BICRA: variants seen among roughly 807,000 people sequenced by gnomAD.
BICRA encodes BRD4 interacting chromatin remodeling complex associated protein.
Under a neutral mutation model 96.9 loss-of-function variants are expected in BICRA, and 31 were observed. The ratio of observed to expected loss-of-function variants is 0.32; its 90% confidence interval spans 0.24 to 0.43. The LOEUF is 0.43. Among genes scored for constraint, BICRA ranks in the 20% least tolerant of loss-of-function variants. The probability of loss-of-function intolerance (pLI) is 1.00; values close to 1 mark genes in which losing one functional copy is unlikely to be tolerated. For missense variants in BICRA, 2,283 were observed against 2,190.3 expected, an observed-to-expected ratio of 1.04 and a Z score of -0.84; for synonymous variants, 1,350 against 1,071.8, an observed-to-expected ratio of 1.26 and a Z score of -5.07.
intron 6 of BICRA, 39 bp from the exon 7 acceptor site, chr19:47,681,937 G>A: frequency 2.1e-6 from 3 of 1,451,108 alleles, no homozygotes; most frequent in Non-Finnish European, 2.8e-6. Context: ...AGGGCCTGTG[G>A]GGGCGGCTTT....
intron 1 of BICRA, among the ~76,000 whole-genome samples, chr19:47,629,387 T>C (rs2123520547): frequency 6.6e-6 from 1 of 152,358 alleles, no homozygotes; most frequent in African/African-American, 2.4e-5. Flanking sequence ...TCTCTATGAA[T>C]TTGACTTTAA....
At position 47,701,918 on chromosome 19, in the gene BICRA, G is replaced by T. The variant is rs1216519921; in HGVS notation, c.4186G>T (p.Gly1396Trp). 2 of 1,435,582 alleles carry T rather than the reference G, an allele frequency of 1.4e-6. No individual in the cohort carries two copies. Among genetic ancestry groups the T allele is most frequent in the South Asian group, 1.4e-5 (1 of 72,370 alleles). The allele number at this position is 1,435,582 out of a possible 1,614,324, so 88.9% of individuals were successfully genotyped here. Residue 1396 changes from glycine to tryptophan, a missense_variant, in exon 15 of 15, where the codon GGG (glycine) becomes TGG (tryptophan). Gly to Trp is a radical substitution (Grantham distance 184). Coordinates refer to ENST00000594866, the MANE Select transcript of BICRA (RefSeq NM_001394372.1). The surrounding 1 kb of genome is among the most constrained non-coding windows in gnomAD (Gnocchi z 5.4). The stretch of plus-strand genomic sequence containing the variant: ...GCGCAAGACCTACCGCGAGAACGTG[G>T]GGGGCCCTGGCGCGCCGGAGGGGAC... Reference protein sequence around the residue: ...PLRKTYRENVGGPGAPEGTPA... With the variant: ...PLRKTYRENVWGPGAPEGTPA...
intron 1 of BICRA, among the ~76,000 whole-genome samples, chr19:47,614,131 T>C (rs1315742855): frequency 1.3e-5 from 2 of 152,024 alleles, no homozygotes; most frequent in Non-Finnish European, 2.9e-5. Flanking sequence ...TGAGACATCA[T>C]CTTTTTCTCT....
chr19:47,702,100 C>G lies in BICRA; in HGVS notation c.4368C>G (p.Ala1456=). 6.6e-7 allele frequency: 1 copy of G among 1,521,078 alleles called. No individual in the cohort carries two copies. The highest frequency in any genetic ancestry group is 8.8e-7 in the Non-Finnish European group (1 of 1,142,116). The allele number at this position is 1,521,078 out of a possible 1,614,324, so 94.2% of individuals were successfully genotyped here. A position where few individuals can be genotyped will look rare whatever the true frequency, so the allele number is the denominator to read the frequency against. ...CGCCAGAGCCCGCAGCCAGCGCCGC[C>G]CAAGGCACCGGGGACCCCGACTGGG... ...GPPPEPAASA[A]QGTGDPDWEA... Residue 1456 remains alanine (A), a synonymous_variant, in exon 15 of 15, where the codon GCC becomes GCG. Coordinates refer to ENST00000594866, the MANE Select transcript of BICRA (RefSeq NM_001394372.1).
rs779068999 is a variant in BICRA at position 47,680,409 on chromosome 19, C to G, written c.1239C>G (p.Gly413=). 10 of 1,535,138 alleles carry G rather than the reference C, an allele frequency of 6.5e-6. No homozygotes were observed. The South Asian group carries it at 1.2e-4, about 18-fold the overall frequency. The change falls in exon 6 of 15, where the codon GGC becomes GGG. Residue 413 remains glycine (G), a synonymous_variant. Coordinates refer to ENST00000594866, the MANE Select transcript of BICRA (RefSeq NM_001394372.1). The part of the protein sequence containing the change: ...GKAGQNVVLS[G]FPAPALQANV... The stretch of plus-strand genomic sequence containing the variant: ...CGGGCCAGAACGTGGTGCTGTCGGG[C>G]TTCCCCGCGCCTGCGCTGCAAGCGA...
intron 6 of BICRA, 76 bp from the exon 7 acceptor site, chr19:47,681,900 G>T: frequency 9.8e-7 from 1 of 1,022,304 alleles, no homozygotes; most frequent in Non-Finnish European, 1.4e-6. Context: ...GCGTCAATAG[G>T]GGCAGGGGTC....
At chr19:47,679,265 A>G (rs56106931) in intron 5 of BICRA, 56 bp from the exon 6 acceptor site, 356,360 of 1,301,464 alleles carry the variant, frequency 0.27, 50,802 homozygotes, top group African/African-American at 0.46. Context: ...GCTGTGGCCT[A>G]AGCGTAGCCC....
chr19:47,662,871 C>T (rs528119589), intron 1 of BICRA: 1 of 152,346 alleles, frequency 6.6e-6, no homozygotes, highest in East Asian at 1.9e-4. Flanking sequence ...CCCCTTTCCA[C>T]CAGCCCTCTC....
chr19:47,692,988 T>A (rs985679466), intron 7 of BICRA, among the ~76,000 whole-genome samples: 1 of 152,208 alleles, frequency 6.6e-6, no homozygotes. Context: ...TGGACCAGTT[T>A]TGGAGCCTTG....
intron 7 of BICRA, among the ~76,000 whole-genome samples, chr19:47,688,528 T>C (rs1973192498): frequency 6.6e-6 from 1 of 152,140 alleles, no homozygotes; most frequent in Non-Finnish European, 1.5e-5. Context: ...CAGTGGCTCA[T>C]GCCTGTAATC....
chr19:47,701,000 AC>A (rs1973432675), intron 14 of BICRA: 1 of 384,440 alleles, frequency 2.6e-6, no homozygotes, highest in Non-Finnish European at 4.7e-6. Flanking sequence ...CAGGTCTCAA[AC>A]TCCTGGGCTC....
Position 47,695,513 on chromosome 19 carries a change from G to A in BICRA, c.3186+39G>A, listed in dbSNP as rs778582513. On this transcript the variant is annotated intron_variant, in intron 10 of 14. Transcript: ENST00000594866. ...AGAGCAGGGGTCAGGACAGGACCAGGAGTCTTCGGGAACTGGGAACTGGGG... is the reference window on the plus strand; with the variant it reads ...AGAGCAGGGGTCAGGACAGGACCAGAAGTCTTCGGGAACTGGGAACTGGGG... 7.4e-6 allele frequency: 7 copies of A among 947,530 alleles called. No homozygotes were observed. The South Asian group carries it at 1.0e-4, about 13-fold the overall frequency. The allele number at this position is 947,530 out of a possible 1,614,324, so 58.7% of individuals were successfully genotyped here. A position where few individuals can be genotyped will look rare whatever the true frequency, so the allele number is the denominator to read the frequency against.
intron 1 of BICRA, chr19:47,663,054 G>T (rs922944963): frequency 6.6e-6 from 1 of 152,220 alleles, no homozygotes; most frequent in African/African-American, 2.4e-5. Flanking sequence ...AAACCATAAG[G>T]ATTAACAAGT....
At chr19:47,696,415 G>A (rs1325918978) in intron 10 of BICRA, 36 bp from the exon 11 acceptor site, 2 of 1,558,290 alleles carry the variant, frequency 1.3e-6, no homozygotes, top group East Asian at 2.4e-5. Flanking sequence ...AAGGCTTCTG[G>A]AGGCAAAGGC....
chr19:47,661,430 G>A (rs1278603888), intron 1 of BICRA, among the ~76,000 whole-genome samples: 1 of 152,030 alleles, frequency 6.6e-6, no homozygotes, highest in Admixed American at 6.6e-5. Flanking sequence ...TGGCCAGCGA[G>A]GAAGGGGGTT....
At position 47,699,255 on chromosome 19, in the gene BICRA, C is replaced by T. The variant is rs1376095661; in HGVS notation, c.3493-48C>T. 1 of 1,117,364 alleles carries T rather than the reference C, an allele frequency of 8.9e-7. No homozygotes were observed. 69.2% of individuals were successfully genotyped at this position (1,117,364 alleles called of 1,614,324 possible). A position where few individuals can be genotyped will look rare whatever the true frequency, so the allele number is the denominator to read the frequency against. ...ATCGTCCCCGTCGCTCGCGCCCCTT[C>T]CCCCTTCTTGCTGGTTCACTCGCAC... On this transcript the variant is annotated intron_variant, in intron 13 of 14. Coordinates refer to ENST00000594866, the MANE Select transcript of BICRA (RefSeq NM_001394372.1). This position sits in a 1 kb window ranked among gnomAD's most constrained non-coding sequence, Gnocchi z 5.0.
chr19:47,644,938 C>A (rs1972437786), intron 1 of BICRA, among the ~76,000 whole-genome samples: 1 of 152,220 alleles, frequency 6.6e-6, no homozygotes, highest in African/African-American at 2.4e-5. Flanking sequence ...CTCTCTCTGT[C>A]CTGTGTTTCT....
chr19:47,623,842 CTCTCT>C (rs978652599), intron 1 of BICRA, among the ~76,000 whole-genome samples: 3 of 144,448 alleles, frequency 2.1e-5, no homozygotes, highest in African/African-American at 7.7e-5. Context: ...CTTTCTCTCT[CTCTCT>C]TTTTTTTTTT....
In BICRA at chr19:47,639,319, A is replaced by ATTTTTT. The variant is rs35509834; in HGVS notation, c.-108+30171_-108+30176dup. Among the ~76,000 whole-genome samples, 30 of 52,378 alleles carry ATTTTTT rather than the reference A, an allele frequency of 5.7e-4. 5 individuals carry two copies. The highest frequency in any genetic ancestry group is 1.9e-3 in the African/African-American group (22 of 11,532). The allele number at this position is 52,378 out of a possible 152,430, so 34.4% of individuals were successfully genotyped here. On this transcript the variant is annotated intron_variant, in intron 1 of 14. Coordinates refer to ENST00000594866, the MANE Select transcript of BICRA (RefSeq NM_001394372.1). ...CATGATGCCTTGCACCCCACCCTGC[A>ATTTTTT]TTTTTTTTTTTTTTTTTTTTTTTTT...
Sources: allele counts gnomAD v4.1 joint callset (sites outside exome capture counted in the v4.1 genomes callset), GRCh38; gene constraint gnomAD v4.1.1; non-coding constraint Gnocchi (gnomAD v3.1); transcripts MANE v1.5; gene names NCBI Gene and HGNC (gene_info 2026-07-23, HGNC 2026-07-21).